The following RABGAP1L variants were observed in gnomAD, a reference collection of about 807,000 sequenced individuals.
RABGAP1L encodes the protein RAB GTPase activating protein 1 like.
A neutral mutation model predicts 137.7 loss-of-function variants in RABGAP1L; 63 were observed. That is an observed-to-expected ratio of 0.46 (90% confidence interval 0.37 to 0.56). RABGAP1L has a LOEUF of 0.56. RABGAP1L is among the 20% of genes least tolerant of loss of function. RABGAP1L has a pLI of 0.00. For missense variants in RABGAP1L, 1,095 were observed against 1,244.0 expected (o/e 0.88, Z 1.80); for synonymous variants, 431 against 433.7 (o/e 0.99, Z 0.08).
At chr1:174,484,394 G>T (rs1449991044) in intron 13 of RABGAP1L, among the ~76,000 whole-genome samples, 2 of 152,158 alleles carry the variant, frequency 1.3e-5, no homozygotes, top group Admixed American at 6.5e-5. Context: ...CTATGCAGAA[G>T]ATTTTTACCT....
At chr1:174,281,487 A>G (rs1390647320) in intron 10 of RABGAP1L, among the ~76,000 whole-genome samples, 1 of 152,220 alleles carries the variant, frequency 6.6e-6, no homozygotes, top group Non-Finnish European at 1.5e-5. Flanking sequence ...ACGCTCCTTT[A>G]GCTGGACAGA....
chr1:174,962,965 G>T (rs1435401929), intron 20 of RABGAP1L, among the ~76,000 whole-genome samples: 1 of 151,968 alleles, frequency 6.6e-6, no homozygotes, highest in Non-Finnish European at 1.5e-5. Context: ...GGGTGTGGTG[G>T]CACATAACCT....
intron 19 of RABGAP1L, among the ~76,000 whole-genome samples, chr1:174,831,093 ATACTT>A (rs1181269956): frequency 6.8e-6 from 1 of 148,078 alleles, no homozygotes; most frequent in African/African-American, 2.5e-5. Context: ...TAATTTGACA[ATACTT>A]TGGTATCTTT....
At chr1:174,973,438 G>T (rs1285548559) in intron 21 of RABGAP1L, among the ~76,000 whole-genome samples, 1 of 145,134 alleles carries the variant, frequency 6.9e-6, no homozygotes, top group Non-Finnish European at 1.5e-5. Context: ...AGGCTGGAGT[G>T]CAATAGTGCG....
intron 13 of RABGAP1L, among the ~76,000 whole-genome samples, chr1:174,400,597 G>T (rs1648452104): frequency 6.6e-6 from 1 of 152,118 alleles, no homozygotes; most frequent in African/African-American, 2.4e-5. Context: ...AAGCTTTTAA[G>T]TATGAAGCAA....
chr1:174,721,051 T>C (rs962652548), intron 17 of RABGAP1L, among the ~76,000 whole-genome samples: 3 of 152,228 alleles, frequency 2.0e-5, no homozygotes, highest in Admixed American at 1.3e-4. Flanking sequence ...TTAACAAATA[T>C]ACTCAGGTTT....
intron 7 of RABGAP1L, among the ~76,000 whole-genome samples, chr1:174,268,032 C>T (rs1421739946): frequency 6.6e-6 from 1 of 152,042 alleles, no homozygotes; most frequent in East Asian, 1.9e-4. Flanking sequence ...GAAGATTTGC[C>T]CAATTATCTT....
rs114689575 is a variant in RABGAP1L, at chr1:174,609,533, T to C, written c.1711-27842T>C. ...GTAACCATAAACTGTTTCTGTCTCATATGGTATTAAGAACAGCAAAGAACC... is the reference window on the plus strand; with the variant it reads ...GTAACCATAAACTGTTTCTGTCTCACATGGTATTAAGAACAGCAAAGAACC... On this transcript the variant is annotated intron_variant, in intron 13 of 25. Coordinates refer to ENST00000681986, the MANE Select transcript of RABGAP1L (RefSeq NM_001366446.1). 5.9e-3 allele frequency among the ~76,000 whole-genome samples: 899 copies of C among 152,222 alleles called. 15 individuals are homozygous for C. Among genetic ancestry groups the C allele is most frequent in the African/African-American group, 0.021 (864 of 41,536 alleles).
intron 19 of RABGAP1L, among the ~76,000 whole-genome samples, chr1:174,915,238 A>G (rs1017482784): frequency 6.6e-6 from 1 of 152,294 alleles, no homozygotes; most frequent in South Asian, 2.1e-4. Flanking sequence ...AACTTTTAAG[A>G]AATTGCCATA....
chr1:174,837,831 A>G (rs979008549), intron 19 of RABGAP1L, among the ~76,000 whole-genome samples: 3 of 152,202 alleles, frequency 2.0e-5, no homozygotes, highest in African/African-American at 7.2e-5. Context: ...AGGAATTGTT[A>G]TGAGCAGACC....
intron 17 of RABGAP1L, among the ~76,000 whole-genome samples, chr1:174,738,071 T>C (rs2148642495): frequency 6.6e-6 from 1 of 152,312 alleles, no homozygotes; most frequent in East Asian, 1.9e-4. Context: ...CCACCATGTT[T>C]GGTGGCATCA....
chr1:174,608,516 C>G (rs919752957), intron 13 of RABGAP1L, among the ~76,000 whole-genome samples: 2 of 152,012 alleles, frequency 1.3e-5, no homozygotes, highest in East Asian at 3.9e-4. Context: ...TATGAAAGCA[C>G]TATGGAAGGA....
intron 20 of RABGAP1L, among the ~76,000 whole-genome samples, chr1:174,959,712 T>C (rs903363984): frequency 2.0e-5 from 3 of 152,198 alleles, no homozygotes; most frequent in African/African-American, 7.2e-5. Flanking sequence ...CTAATGTCTC[T>C]ATACTCTTAA....
At chr1:174,520,026 C>A (rs1028974325) in intron 13 of RABGAP1L, among the ~76,000 whole-genome samples, 1 of 152,176 alleles carries the variant, frequency 6.6e-6, no homozygotes, top group African/African-American at 2.4e-5. Context: ...GGCCTGGCAC[C>A]AGCGAAGTAT....
chr1:174,237,920 G>T (rs1671358957), intron 4 of RABGAP1L, among the ~76,000 whole-genome samples: 1 of 150,598 alleles, frequency 6.6e-6, no homozygotes, highest in South Asian at 2.1e-4. Flanking sequence ...ATCAGACGTA[G>T]ATTTGGTCTT....
chr1:174,895,220 G>C (rs1656933274), intron 19 of RABGAP1L, among the ~76,000 whole-genome samples: 1 of 152,150 alleles, frequency 6.6e-6, no homozygotes, highest in South Asian at 2.1e-4. Context: ...GAAAATAATG[G>C]AAACCATTCA....
At chr1:174,441,055 T>A (rs12079011) in intron 13 of RABGAP1L, among the ~76,000 whole-genome samples, 52,589 of 148,734 alleles carry the variant, frequency 0.35, 11,883 homozygotes, top group African/African-American at 0.64. Flanking sequence ...ATAAAAGTAT[T>A]ATATATATAT....
intron 1 of RABGAP1L, among the ~76,000 whole-genome samples, chr1:174,191,287 A>G (rs1324652656): frequency 6.6e-6 from 1 of 152,240 alleles, no homozygotes; most frequent in Non-Finnish European, 1.5e-5. Context: ...AGAAAAAGGA[A>G]AAACAAAAAT....
At chr1:174,839,562 A>T (rs1033004671) in intron 19 of RABGAP1L, among the ~76,000 whole-genome samples, 1 of 152,244 alleles carries the variant, frequency 6.6e-6, no homozygotes. Context: ...AAGAGAGGTG[A>T]TGCATTACAG....
Sources: gnomAD v4.1 joint callset for allele counts (sites outside exome capture counted in the v4.1 genomes callset) on GRCh38, gnomAD v4.1.1 for gene constraint, MANE v1.5 for transcripts, NCBI Gene and HGNC (gene_info 2026-07-23, HGNC 2026-07-21) for gene names.